TNRC6A: variants seen among roughly 807,000 people sequenced by gnomAD.
TNRC6A encodes the protein trinucleotide repeat-containing gene 6A protein.
A neutral mutation model predicts 221.2 loss-of-function variants in TNRC6A; 44 were observed. That is an observed-to-expected ratio of 0.20 (90% CI 0.16 to 0.26). TNRC6A has a LOEUF of 0.26. Ranked by LOEUF, TNRC6A falls within the 10% of genes least tolerant of loss-of-function variation. TNRC6A has a pLI of 1.00. For missense variants in TNRC6A, 2,199 were observed against 2,404.4 expected, an observed-to-expected ratio of 0.91 and a Z score of 1.79; for synonymous variants, 847 against 838.5, an observed-to-expected ratio of 1.01 and a Z score of -0.18.
At chr16:24,708,037 T>C (rs1186362941) in intron 2 of TNRC6A, among the ~76,000 whole-genome samples, 1 of 151,100 alleles carries the variant, frequency 6.6e-6, no homozygotes, top group Non-Finnish European at 1.5e-5. Flanking sequence ...GCAGCCTGGG[T>C]GACAGAGTGA....
chr16:24,812,387 G>C (rs185966771), intron 18 of TNRC6A, among the ~76,000 whole-genome samples: 19 of 152,248 alleles, frequency 1.2e-4, no homozygotes, highest in Admixed American at 1.2e-3. Context: ...AGAACAGGGA[G>C]TTGAGACAAT....
intron 1 of TNRC6A, among the ~76,000 whole-genome samples, chr16:24,639,208 C>T (rs1003513728): frequency 6.6e-6 from 1 of 151,970 alleles, no homozygotes; most frequent in African/African-American, 2.4e-5. Flanking sequence ...AAGACGGCTG[C>T]GTGTGGTAGC....
At chr16:24,758,663 A>G (rs541142302) in intron 4 of TNRC6A, among the ~76,000 whole-genome samples, 1 of 152,202 alleles carries the variant, frequency 6.6e-6, no homozygotes, top group African/African-American at 2.4e-5. Context: ...CCTTTCCTTC[A>G]GTCTTCCTTC....
At chr16:24,743,532 C>G (rs140175560) in intron 2 of TNRC6A, among the ~76,000 whole-genome samples, 2 of 146,580 alleles carry the variant, frequency 1.4e-5, no homozygotes, top group Non-Finnish European at 3.0e-5. Context: ...GCCATGTTGC[C>G]CAGGCTGGTC....
intron 2 of TNRC6A, among the ~76,000 whole-genome samples, chr16:24,697,116 G>C (rs2055880766): frequency 6.6e-6 from 1 of 152,160 alleles, no homozygotes; most frequent in Non-Finnish European, 1.5e-5. Context: ...AAAGTTTGAG[G>C]TGATGAATAT....
chr16:24,660,547 A>G (rs532004573), intron 2 of TNRC6A, among the ~76,000 whole-genome samples: 1 of 152,118 alleles, frequency 6.6e-6, no homozygotes, highest in East Asian at 1.9e-4. Context: ...GTGCTGCTAT[A>G]AACATGCGTG....
intron 2 of TNRC6A, among the ~76,000 whole-genome samples, chr16:24,739,823 A>AAT (rs1285058188): frequency 6.6e-6 from 1 of 152,086 alleles, no homozygotes; most frequent in African/African-American, 2.4e-5. Flanking sequence ...AAAAATTTAA[A>AAT]ATTTTGTAAA....
At chr16:24,677,154 C>CTTT (rs966420036) in intron 2 of TNRC6A, among the ~76,000 whole-genome samples, 1 of 146,436 alleles carries the variant, frequency 6.8e-6, no homozygotes. Flanking sequence ...GTCCCGTTTC[C>CTTT]TTTTTTTTTC....
chr16:24,700,889 C>T (rs2055959918), intron 2 of TNRC6A, among the ~76,000 whole-genome samples: 1 of 152,214 alleles, frequency 6.6e-6, no homozygotes, highest in Non-Finnish European at 1.5e-5. Flanking sequence ...ATGGCTACCA[C>T]GTGGGCTGAC....
chr16:24,698,963 C>A (rs1368331034), intron 2 of TNRC6A, among the ~76,000 whole-genome samples: 2 of 152,108 alleles, frequency 1.3e-5, no homozygotes, highest in East Asian at 1.9e-4. Flanking sequence ...CCCACCTTGG[C>A]CTCCTAAAGT....
intron 2 of TNRC6A, among the ~76,000 whole-genome samples, chr16:24,710,970 G>A (rs925521049): frequency 6.6e-6 from 1 of 152,096 alleles, no homozygotes; most frequent in South Asian, 2.1e-4. Flanking sequence ...CCACCTCCCG[G>A]GTTCAAGGGA....
intron 4 of TNRC6A, among the ~76,000 whole-genome samples, chr16:24,768,924 T>C (rs570657148): frequency 6.6e-6 from 1 of 152,340 alleles, no homozygotes; most frequent in African/African-American, 2.4e-5. Context: ...AGATGATTGT[T>C]GGCTGGTCCA....
rs34395729 is a variant in TNRC6A at position 24,707,350 on chromosome 16, G to GCACA, written n.403-43349_403-43346dup. ...AACAGGATGAAAGGGGAACATGGGC[G>GCACA]CACACACACACACACACACACACAC... On this transcript the variant is annotated intron_variant and non_coding_transcript_variant, in intron 2 of 2. Transcript: ENST00000566108. Among the ~76,000 whole-genome samples, 968 of 149,618 alleles carry GCACA rather than the reference G, an allele frequency of 6.5e-3. 10 individuals are homozygous for GCACA. The highest frequency in any genetic ancestry group is 0.017 in the Middle Eastern group (5 of 288).
upstream of TNRC6A, among the ~76,000 whole-genome samples, chr16:24,729,191 CAG>C (rs1596556950): frequency 1.3e-5 from 2 of 151,748 alleles, no homozygotes; most frequent in Admixed American, 1.3e-4. Context: ...AACAGAGAAG[CAG>C]AGAGGTTAAA....
intron 2 of TNRC6A, among the ~76,000 whole-genome samples, chr16:24,740,930 T>G (rs554217861): frequency 1.5e-4 from 23 of 152,340 alleles, no homozygotes; most frequent in African/African-American, 4.3e-4. Flanking sequence ...TCACTTAGCA[T>G]AGTGTCCTCA....
At chr16:24,626,943 C>T (rs1901046269) in intron 1 of TNRC6A, among the ~76,000 whole-genome samples, 2 of 141,474 alleles carry the variant, frequency 1.4e-5, no homozygotes, top group South Asian at 2.4e-4. Context: ...TGAGCCACCG[C>T]GCCCAGCCTG....
chr16:24,655,262 G>A (rs763284575), intron 2 of TNRC6A, among the ~76,000 whole-genome samples: 2 of 151,946 alleles, frequency 1.3e-5, no homozygotes, highest in Non-Finnish European at 2.9e-5. Context: ...AATTTGAAAG[G>A]CGGGGGGGAA....
intron 2 of TNRC6A, chr16:24,664,065 C>G: frequency 4.9e-6 from 2 of 406,188 alleles, no homozygotes; most frequent in South Asian, 3.4e-5. Flanking sequence ...GTGGCTCATA[C>G]CTGTAATCCC....
At chr16:24,723,720 C>G (rs1256209188) in intron 2 of TNRC6A, among the ~76,000 whole-genome samples, 1 of 151,876 alleles carries the variant, frequency 6.6e-6, no homozygotes, top group African/African-American at 2.4e-5. Flanking sequence ...ATCTGAATAC[C>G]TAACTTTTTT....
Sources: gnomAD v4.1 joint callset for allele counts (sites outside exome capture counted in the v4.1 genomes callset) on GRCh38, gnomAD v4.1.1 for gene constraint, MANE v1.5 for transcripts, NCBI Gene and HGNC (gene_info 2026-07-23, HGNC 2026-07-21) for gene names.